IGF2BP1: variants seen among roughly 807,000 people sequenced by gnomAD.
IGF2BP1 encodes insulin like growth factor 2 mRNA binding protein 1.
Under a neutral mutation model 74.9 loss-of-function variants are expected in IGF2BP1, and 11 were observed. The ratio of observed to expected loss-of-function variants is 0.15; its 90% CI spans 0.09 to 0.24. The LOEUF (loss-of-function observed/expected upper bound fraction) is 0.24, where lower values mean the gene tolerates loss of function less well. IGF2BP1 is among the 10% of genes least tolerant of loss of function. The pLI is 1.00. For synonymous variants in IGF2BP1, 287 were observed against 281.8 expected (o/e 1.02, Z -0.18); for missense variants, 440 against 757.4 (o/e 0.58, Z 4.92).
chr17:49,023,047 A>G (rs950047364), intron 2 of IGF2BP1, among the ~76,000 whole-genome samples: 8 of 151,810 alleles, frequency 5.3e-5, no homozygotes, highest in African/African-American at 1.7e-4. Flanking sequence ...TCTTTTCCTC[A>G]TTTCTTCCGG....
intron 2 of IGF2BP1, among the ~76,000 whole-genome samples, chr17:49,011,167 A>C (rs916162141): frequency 1.1e-4 from 13 of 120,712 alleles, no homozygotes; most frequent in South Asian, 2.6e-4. Flanking sequence ...AAAAAAAAAA[A>C]CAAACCCTAA....
chr17:49,011,904 ATT>A (rs68074534), intron 2 of IGF2BP1, among the ~76,000 whole-genome samples: 16 of 124,596 alleles, frequency 1.3e-4, no homozygotes, highest in Non-Finnish European at 1.3e-4. Context: ...AAGAAAATTG[ATT>A]TTTTTTTTTT....
intron 2 of IGF2BP1, among the ~76,000 whole-genome samples, chr17:49,019,657 G>A (rs1254707653): frequency 6.6e-6 from 1 of 151,734 alleles, no homozygotes; most frequent in African/African-American, 2.4e-5. Context: ...AACTATTTCA[G>A]TATGTATTTC....
chr17:49,039,033 A>T (rs2042019971), intron 6 of IGF2BP1, among the ~76,000 whole-genome samples: 1 of 151,868 alleles, frequency 6.6e-6, no homozygotes, highest in Non-Finnish European at 1.5e-5. Context: ...GCGTGCCACC[A>T]TGCCCAGCTA....
chr17:49,025,333 T>TGTGTGTGC (rs2041839385), intron 2 of IGF2BP1, among the ~76,000 whole-genome samples: 1 of 150,682 alleles, frequency 6.6e-6, no homozygotes, highest in African/African-American at 2.4e-5. Flanking sequence ...TGTGTGTGTG[T>TGTGTGTGC]GTGTGTGTGT....
chr17:49,014,371 C>G (rs1166225783), intron 2 of IGF2BP1, among the ~76,000 whole-genome samples: 1 of 151,162 alleles, frequency 6.6e-6, no homozygotes, highest in Admixed American at 6.6e-5. Context: ...GCGCTTTCCC[C>G]TGCTCCACCG....
chr17:49,019,224 C>T (rs1367616504), intron 2 of IGF2BP1, among the ~76,000 whole-genome samples: 1 of 152,180 alleles, frequency 6.6e-6, no homozygotes, highest in African/African-American at 2.4e-5. Context: ...CCCATTCACA[C>T]TGTGCACAGT....
At chr17:49,046,165 T>C (rs1222873297) in intron 13 of IGF2BP1, 95 bp from the exon 14 acceptor site, 7 of 1,440,110 alleles carry the variant, frequency 4.9e-6, no homozygotes, top group East Asian at 2.3e-5. Flanking sequence ...GTCCTGACTC[T>C]TCCAGGTTCT....
intron 1 of IGF2BP1, among the ~76,000 whole-genome samples, chr17:48,998,459 C>T (rs2041437136): frequency 6.6e-6 from 1 of 152,250 alleles, no homozygotes; most frequent in African/African-American, 2.4e-5. Context: ...CGCCCAGGGC[C>T]TGGGGCTTGA....
intron 2 of IGF2BP1, among the ~76,000 whole-genome samples, chr17:49,004,306 CGGCTGCG>C (rs57993654): frequency 0.57 from 86,193 of 151,182 alleles, 26,127 homozygotes; most frequent in African/African-American, 0.77. Context: ...TCCCCCTCAC[CGGCTGCG>C]GGCTGCGGGC....
At chr17:49,031,063 A>G (rs960099038) in intron 4 of IGF2BP1, among the ~76,000 whole-genome samples, 15 of 152,138 alleles carry the variant, frequency 9.9e-5, no homozygotes, top group African/African-American at 3.6e-4. Context: ...TTGTATATCC[A>G]CTTTCTTGGG....
rs1238131263 is a variant in IGF2BP1, at chr17:49,049,618, G to A, written c.*174G>A. 3.4e-6 allele frequency: 2 copies of A among 589,014 alleles called. No homozygotes were observed. The highest frequency in any genetic ancestry group is 3.7e-5 in the African/African-American group (2 of 53,524). 36.5% of individuals were successfully genotyped at this position (589,014 alleles called of 1,614,324 possible). A position where few individuals can be genotyped will look rare whatever the true frequency, so the allele number is the denominator to read the frequency against. On this transcript the variant is annotated 3_prime_UTR_variant, in exon 15 of 15. Transcript: ENST00000290341. ...TCCAGTGAGGAACCCTGATCTCTCA[G>A]CCCCAAACACCCACCCAATTGGCCC...
At chr17:49,025,559 T>C in intron 2 of IGF2BP1, 59 bp from the exon 3 acceptor site, 1 of 1,467,652 alleles carries the variant, frequency 6.8e-7, no homozygotes, top group Non-Finnish European at 9.5e-7. Context: ...AAACTGCGAG[T>C]TCACAGACCC....
chr17:49,033,643 G>T (rs902433344), intron 5 of IGF2BP1, among the ~76,000 whole-genome samples: 1 of 151,806 alleles, frequency 6.6e-6, no homozygotes, highest in Admixed American at 6.6e-5. Flanking sequence ...GCACCCGGCT[G>T]CCTTATTAAC....
chr17:49,039,000 C>T (rs949298427), intron 6 of IGF2BP1, among the ~76,000 whole-genome samples: 8 of 151,652 alleles, frequency 5.3e-5, no homozygotes, highest in African/African-American at 1.9e-4. Context: ...GCCTCAGCCT[C>T]CCGAGTAGCT....
At chr17:49,013,208 A>G (rs1282706028) in intron 2 of IGF2BP1, among the ~76,000 whole-genome samples, 1 of 146,852 alleles carries the variant, frequency 6.8e-6, no homozygotes, top group African/African-American at 2.6e-5. Context: ...AAAAGGGCTG[A>G]AAGGTCATTC....
intron 2 of IGF2BP1, among the ~76,000 whole-genome samples, chr17:49,002,762 C>G (rs1406992974): frequency 1.3e-5 from 2 of 149,020 alleles, no homozygotes; most frequent in Admixed American, 1.3e-4. Context: ...TTTTTGTGCA[C>G]TGTTTGGAGG....
At chr17:49,015,485 C>A (rs925575975) in intron 2 of IGF2BP1, among the ~76,000 whole-genome samples, 1 of 152,200 alleles carries the variant, frequency 6.6e-6, no homozygotes, top group Non-Finnish European at 1.5e-5. Flanking sequence ...GGATCGTGAG[C>A]AATGTCCCTG....
At chr17:49,046,167 C>G (rs1003448984) in intron 13 of IGF2BP1, 93 bp from the exon 14 acceptor site, 2 of 1,435,568 alleles carry the variant, frequency 1.4e-6, no homozygotes, top group African/African-American at 1.4e-5. Flanking sequence ...CCTGACTCTT[C>G]CAGGTTCTCC....
Sources: allele counts gnomAD v4.1 joint callset (sites outside exome capture counted in the v4.1 genomes callset), GRCh38; gene constraint gnomAD v4.1.1; transcripts MANE v1.5; gene names NCBI Gene and HGNC (gene_info 2026-07-23, HGNC 2026-07-21).